OXR1: variants seen among roughly 807,000 people sequenced by gnomAD.
OXR1 encodes the protein oxidation resistance protein 1.
A neutral mutation model predicts 104.6 loss-of-function variants in OXR1; 41 were observed. The ratio of observed to expected loss-of-function variants is 0.39; its 90% CI spans 0.31 to 0.51. The LOEUF (loss-of-function observed/expected upper bound fraction) is 0.51. Among genes scored for constraint, OXR1 ranks in the 20% least tolerant of loss-of-function variants. OXR1 has a pLI of 0.77. For synonymous variants in OXR1, 348 were observed against 348.4 expected (o/e 1.00, Z 0.01); for missense variants, 955 against 1,031.9 (o/e 0.93, Z 1.02).
At chr8:106,653,760 A>T (rs764958041) in intron 3 of OXR1, among the ~76,000 whole-genome samples, 11 of 152,042 alleles carry the variant, frequency 7.2e-5, no homozygotes, top group Non-Finnish European at 1.3e-4. Context: ...TAGGCAAGAA[A>T]AAAAGGCACC....
chr8:106,558,736 G>A, intron 3 of OXR1, among the ~76,000 whole-genome samples: 1 of 152,110 alleles, frequency 6.6e-6, no homozygotes, highest in East Asian at 1.9e-4. Context: ...AAAATCATAA[G>A]ATGATGAATT....
At chr8:106,445,507 T>G (rs1200883069) in intron 2 of OXR1, among the ~76,000 whole-genome samples, 1 of 152,216 alleles carries the variant, frequency 6.6e-6, no homozygotes, top group East Asian at 1.9e-4. Flanking sequence ...CACTTCCAGC[T>G]TGTGCTAAAA....
At chr8:106,348,888 C>T (rs918232720) in intron 1 of OXR1, among the ~76,000 whole-genome samples, 1 of 152,036 alleles carries the variant, frequency 6.6e-6, no homozygotes, top group East Asian at 1.9e-4. Flanking sequence ...GGATCCCAAG[C>T]GTAATAGTTA....
At chr8:106,641,581 G>C (rs1191201913) in intron 3 of OXR1, among the ~76,000 whole-genome samples, 1 of 152,166 alleles carries the variant, frequency 6.6e-6, no homozygotes, top group East Asian at 1.9e-4. Context: ...CAGTAGAATA[G>C]GGTTTCTTAA....
intron 3 of OXR1, among the ~76,000 whole-genome samples, chr8:106,574,105 A>G (rs538160314): frequency 1.4e-4 from 21 of 152,296 alleles, no homozygotes; most frequent in Admixed American, 1.4e-3. Flanking sequence ...TTTGGGGGTA[A>G]TTAATGGTAA....
intron 2 of OXR1, among the ~76,000 whole-genome samples, chr8:106,404,300 AG>A (rs1818126073): frequency 6.6e-6 from 1 of 152,150 alleles, no homozygotes; most frequent in Non-Finnish European, 1.5e-5. Flanking sequence ...ACCAGAATGT[AG>A]GGCCTCAATG....
chr8:106,486,490 C>A (rs1296314865), intron 2 of OXR1, among the ~76,000 whole-genome samples: 2 of 152,064 alleles, frequency 1.3e-5, no homozygotes, highest in African/African-American at 4.8e-5. Context: ...AGTCTACCTA[C>A]TTGTCTTTTC....
chr8:106,631,406 T>C (rs985320674), intron 3 of OXR1, among the ~76,000 whole-genome samples: 1 of 152,212 alleles, frequency 6.6e-6, no homozygotes, highest in Non-Finnish European at 1.5e-5. Flanking sequence ...TACATGCATA[T>C]GGATGGAACA....
chr8:106,485,747 A>G (rs1207507444), intron 2 of OXR1, among the ~76,000 whole-genome samples: 1 of 152,132 alleles, frequency 6.6e-6, no homozygotes, highest in African/African-American at 2.4e-5. Flanking sequence ...AAAATGAGGT[A>G]TATATACATG....
At chr8:106,556,548 G>A (rs560957877) in intron 3 of OXR1, among the ~76,000 whole-genome samples, 7 of 152,176 alleles carry the variant, frequency 4.6e-5, no homozygotes, top group African/African-American at 1.4e-4. Flanking sequence ...ATATCTCTCA[G>A]CCTCATTTGC....
chr8:106,344,951 T>A (rs1815416678), intron 1 of OXR1, among the ~76,000 whole-genome samples: 1 of 152,216 alleles, frequency 6.6e-6, no homozygotes, highest in African/African-American at 2.4e-5. Context: ...TGTCGTCTTC[T>A]TAGTGAACAC....
At chr8:106,395,941 A>C (rs1029972962) in intron 2 of OXR1, among the ~76,000 whole-genome samples, 5 of 152,104 alleles carry the variant, frequency 3.3e-5, no homozygotes, top group Admixed American at 2.6e-4. Context: ...GGCATGTCAC[A>C]GGGGCACAGG....
At chr8:106,341,844 A>G (rs775699862) in intron 1 of OXR1, among the ~76,000 whole-genome samples, 3 of 149,834 alleles carry the variant, frequency 2.0e-5, no homozygotes, top group Middle Eastern at 3.2e-3. Flanking sequence ...CTGGACTAGG[A>G]TCATCCTTCC....
intron 3 of OXR1, among the ~76,000 whole-genome samples, chr8:106,587,074 T>G (rs751063746): frequency 6.6e-6 from 1 of 152,074 alleles, no homozygotes; most frequent in Non-Finnish European, 1.5e-5. Flanking sequence ...ACAGAGTATT[T>G]TTATGTGGAT....
At chr8:106,418,488 AT>A (rs542255551) in intron 2 of OXR1, among the ~76,000 whole-genome samples, 90 of 151,828 alleles carry the variant, frequency 5.9e-4, no homozygotes, top group African/African-American at 2.0e-3. Context: ...AAAATGTCTG[AT>A]TTTTTTTAAT....
At chr8:106,328,093 T>G (rs1814550388) in intron 1 of OXR1, among the ~76,000 whole-genome samples, 1 of 152,184 alleles carries the variant, frequency 6.6e-6, no homozygotes, top group African/African-American at 2.4e-5. Flanking sequence ...ACTCCTGAGT[T>G]TAGCATCATT....
At chr8:106,544,782 C>T (rs906865506) in intron 3 of OXR1, among the ~76,000 whole-genome samples, 8 of 152,230 alleles carry the variant, frequency 5.3e-5, no homozygotes, top group Admixed American at 2.6e-4. Context: ...AAAGTATCTC[C>T]TATTATTTAA....
intron 2 of OXR1, among the ~76,000 whole-genome samples, chr8:106,484,140 A>G (rs1238895192): frequency 2.0e-5 from 3 of 151,834 alleles, no homozygotes; most frequent in Admixed American, 2.0e-4. Context: ...TCAAAAGATG[A>G]GCCAAAGACT....
At chr8:106,362,723 A>G (rs1816298205) in intron 2 of OXR1, among the ~76,000 whole-genome samples, 1 of 152,198 alleles carries the variant, frequency 6.6e-6, no homozygotes, top group African/African-American at 2.4e-5. Flanking sequence ...GGATGCGCAG[A>G]ATCTGTTGCA....
Sources: gnomAD v4.1 joint callset for allele counts (sites outside exome capture counted in the v4.1 genomes callset) on GRCh38, gnomAD v4.1.1 for gene constraint, MANE v1.5 for transcripts, NCBI Gene and HGNC (gene_info 2026-07-23, HGNC 2026-07-21) for gene names.